PPP1R12B: variants seen among roughly 807,000 people sequenced by gnomAD.
PPP1R12B encodes myosin phosphatase target subunit 2.
A neutral mutation model predicts 126.1 loss-of-function variants in PPP1R12B; 76 were observed. That is an observed-to-expected ratio of 0.60 (90% CI 0.50 to 0.73). The LOEUF (loss-of-function observed/expected upper bound fraction) is 0.73, where lower values mean the gene tolerates loss of function less well. Ranked by LOEUF, PPP1R12B falls within the 30% of genes least tolerant of loss-of-function variation. The pLI, the probability that PPP1R12B is intolerant of heterozygous loss-of-function variation, is 0.00. For missense variants in PPP1R12B, 1,052 were observed against 1,205.1 expected (o/e 0.87, Z 1.88); for synonymous variants, 356 against 434.7 (o/e 0.82, Z 2.25).
intron 1 of PPP1R12B, among the ~76,000 whole-genome samples, chr1:202,404,971 A>C (rs1432525714): frequency 6.6e-6 from 1 of 152,222 alleles, no homozygotes; most frequent in African/African-American, 2.4e-5. Context: ...TAAAGTCTTA[A>C]TCATTTTTTA....
In PPP1R12B at chr1:202,405,841, C is replaced by T. The variant is rs1319820275; in HGVS notation, c.292-10946C>T. 2.0e-5 allele frequency among the ~76,000 whole-genome samples: 3 copies of T among 152,136 alleles called. No individual in the cohort carries two copies. The East Asian group carries it at 5.8e-4, about 29-fold the overall frequency. On this transcript the variant is annotated intron_variant, in intron 1 of 23. Coordinates refer to ENST00000608999, the MANE Select transcript of PPP1R12B (RefSeq NM_002481.4). ...GTACTCTACCTGTGGGAGGACATGA[C>T]AATAAGTGTTATGGACTAATAATAT...
intron 1 of PPP1R12B, among the ~76,000 whole-genome samples, chr1:202,364,585 TA>T (rs1289231524): frequency 1.3e-5 from 2 of 151,524 alleles, no homozygotes; most frequent in Admixed American, 6.6e-5. Flanking sequence ...TTTATTTATT[TA>T]TTTTTTTTGA....
At chr1:202,512,268 T>A (rs1192457295) in intron 18 of PPP1R12B, among the ~76,000 whole-genome samples, 1 of 152,212 alleles carries the variant, frequency 6.6e-6, no homozygotes, top group Non-Finnish European at 1.5e-5. Context: ...CACATACCCC[T>A]TTATACCTAG....
chr1:202,510,908 T>C (rs1435999810), intron 18 of PPP1R12B, among the ~76,000 whole-genome samples: 1 of 146,552 alleles, frequency 6.8e-6, no homozygotes, highest in African/African-American at 2.5e-5. Flanking sequence ...ATATAATATA[T>C]AATATAATAA....
intron 18 of PPP1R12B, among the ~76,000 whole-genome samples, chr1:202,519,770 A>G (rs1462900663): frequency 1.3e-5 from 2 of 152,128 alleles, no homozygotes; most frequent in African/African-American, 2.4e-5. Flanking sequence ...ATCTACACAT[A>G]TATCTGGTCA....
At chr1:202,480,239 CAGTT>C (rs1347237608) in intron 13 of PPP1R12B, among the ~76,000 whole-genome samples, 3 of 152,084 alleles carry the variant, frequency 2.0e-5, no homozygotes, top group Non-Finnish European at 2.9e-5. Flanking sequence ...TCAAGAAACT[CAGTT>C]GGTGAGTTTG....
chr1:202,461,053 T>A (rs568391861), intron 13 of PPP1R12B, among the ~76,000 whole-genome samples: 209 of 152,208 alleles, frequency 1.4e-3, no homozygotes, highest in Non-Finnish European at 1.6e-3. Context: ...TGCACAGGAT[T>A]GATTTAAGAG....
At chr1:202,440,508 A>G (rs1029599857) in intron 10 of PPP1R12B, among the ~76,000 whole-genome samples, 198 bp from the exon 11 acceptor site, 16 of 152,096 alleles carry the variant, frequency 1.1e-4, no homozygotes, top group African/African-American at 3.9e-4. Context: ...ATTTCCCTTC[A>G]TACTGTTTTT....
At chr1:202,575,091 C>T (rs1307013587) in intron 23 of PPP1R12B, 3 of 1,613,838 alleles carry the variant, frequency 1.9e-6, no homozygotes, top group Admixed American at 3.3e-5. Context: ...GAGTGGTGGC[C>T]AGACTCTCGG....
intron 13 of PPP1R12B, among the ~76,000 whole-genome samples, chr1:202,453,242 G>A (rs1673226695): frequency 6.6e-6 from 1 of 151,990 alleles, no homozygotes; most frequent in African/African-American, 2.4e-5. Context: ...AATGATCATA[G>A]TGTTTTTATC....
At chr1:202,495,735 C>T in intron 17 of PPP1R12B, 53 bp downstream of exon 17, 1 of 1,492,992 alleles carries the variant, frequency 6.7e-7, no homozygotes, top group Non-Finnish European at 9.3e-7. Flanking sequence ...GGTCACCATT[C>T]TTTCAGTTGA....
chr1:202,424,784 G>A lies in PPP1R12B; in HGVS notation c.542-782G>A, dbSNP rs961794632. Among the ~76,000 whole-genome samples the A allele has an allele frequency of 5.9e-5, 9 of 152,164 alleles. 1 individual carries two copies. The highest frequency in any genetic ancestry group is 1.9e-4 in the African/African-American group (8 of 41,434). ...TTTTCACTGGCACAGATATTGGAGA[G>A]TTATTGGCTAAAGGGAGGAACTCTT... On this transcript the variant is annotated intron_variant, in intron 3 of 23. Transcript: ENST00000608999.
intron 23 of PPP1R12B, among the ~76,000 whole-genome samples, chr1:202,572,580 C>T (rs952644174): frequency 2.0e-5 from 3 of 152,188 alleles, no homozygotes; most frequent in Non-Finnish European, 2.9e-5. Flanking sequence ...TATATGCCAA[C>T]TTCTGACAGG....
chr1:202,434,144 C>T (rs559027266), intron 8 of PPP1R12B, among the ~76,000 whole-genome samples: 86 of 152,196 alleles, frequency 5.7e-4, no homozygotes, highest in African/African-American at 1.9e-3. Flanking sequence ...TTTCTTTAAT[C>T]CTCACAACCA....
intron 1 of PPP1R12B, among the ~76,000 whole-genome samples, chr1:202,371,783 C>T (rs1660308664): frequency 6.6e-6 from 1 of 151,300 alleles, no homozygotes; most frequent in South Asian, 2.1e-4. Context: ...TTTACATAAA[C>T]ATGGTGCGTT....
At chr1:202,516,267 G>T (rs1321603300) in intron 18 of PPP1R12B, among the ~76,000 whole-genome samples, 1 of 152,156 alleles carries the variant, frequency 6.6e-6, no homozygotes, top group Non-Finnish European at 1.5e-5. Context: ...TTGTTATAGG[G>T]GTAGGGTTAG....
chr1:202,574,490 C>T (rs892296591), intron 23 of PPP1R12B, among the ~76,000 whole-genome samples: 7 of 152,052 alleles, frequency 4.6e-5, no homozygotes, highest in Admixed American at 3.3e-4. Flanking sequence ...GTGACAGAGT[C>T]GGACCCTATC....
intron 18 of PPP1R12B, among the ~76,000 whole-genome samples, chr1:202,510,741 A>G (rs1259808754): frequency 6.6e-6 from 1 of 151,984 alleles, no homozygotes; most frequent in Non-Finnish European, 1.5e-5. Flanking sequence ...ACTATGCATT[A>G]GAGATGCAAA....
rs2362285 is a variant in PPP1R12B, at chr1:202,558,950, G to A, written c.2507+57G>A. ...TAATACTTGTGAGTGAATGCATGTC[G>A]AATTAAACTTAGCTTTATATAATAA... On this transcript the variant is annotated intron_variant, in intron 19 of 23. Coordinates refer to ENST00000608999, the MANE Select transcript of PPP1R12B (RefSeq NM_002481.4). The A allele has an allele frequency of 1.3e-4, 186 of 1,486,400 alleles. 2 individuals are homozygous for A. The Middle Eastern group carries it at 7.1e-3, about 57-fold the overall frequency. 92.1% of individuals were successfully genotyped at this position (1,486,400 alleles called of 1,614,324 possible).
Sources: allele counts gnomAD v4.1 joint callset (sites outside exome capture counted in the v4.1 genomes callset), GRCh38; gene constraint gnomAD v4.1.1; transcripts MANE v1.5; gene names NCBI Gene and HGNC (gene_info 2026-07-23, HGNC 2026-07-21).